Variants in PEX19 observed in about 807,000 individuals in gnomAD.
PEX19 encodes 33 kDa housekeeping protein.
PEX19 carries 29 observed loss-of-function variants against 36.3 expected under a neutral mutation model. That is an observed-to-expected ratio of 0.80 (90% CI 0.60 to 1.09). The LOEUF (loss-of-function observed/expected upper bound fraction) is 1.09. Among genes scored for constraint, PEX19 ranks in the 50% least tolerant of loss-of-function variants. The pLI is 0.00. For missense variants in PEX19, 396 were observed against 368.1 expected, an observed-to-expected ratio of 1.08 and a Z score of -0.62; for synonymous variants, 141 against 135.2, an observed-to-expected ratio of 1.04 and a Z score of -0.30.
At chr1:160,282,246 G>C in intron 4 of PEX19, 46 bp from the exon 5 acceptor site, 2 of 1,593,628 alleles carry the variant, frequency 1.3e-6, no homozygotes, top group Non-Finnish European at 1.7e-6. Context: ...ACCTTCTTGG[G>C]ATGCTCACCA....
Position 160,280,106 on chromosome 1 carries a change from C to T in PEX19, c.735G>A (p.Lys245=), listed in dbSNP as rs749331745. 9.3e-6 allele frequency: 15 copies of T among 1,613,826 alleles called. No individual in the cohort carries two copies. The Admixed American group carries it at 2.5e-4, about 27-fold the overall frequency. The change falls in exon 6 of 8, where the codon AAG becomes AAA. Residue 245 remains lysine (K), a synonymous_variant. Coordinates refer to ENST00000368072, the MANE Select transcript of PEX19 (RefSeq NM_002857.4). ...ETPTDSETTQ[K]ARFEMVLDLM... is the part of the protein sequence containing the mutation. ...GATCCAGCACCATCTCAAAACGAGC[C>T]TTTTGAGTGGTTTCACTGTCTGTGG...
At position 160,283,041 on chromosome 1, in the gene PEX19, G is replaced by A. The variant is rs1359237654; in HGVS notation, c.249C>T (p.Ala83=). 6 of 1,614,052 alleles carry A rather than the reference G, an allele frequency of 3.7e-6. No individual in the cohort carries two copies. Among genetic ancestry groups the A allele is most frequent in the Non-Finnish European group, 5.1e-6 (6 of 1,180,032 alleles). ...ELFDSELASQ[A]TAEFEKAMKE... ...TCATTGCCTTCTCGAACTCCGCAGT[G>A]GCTTGGGAAGCCAGTTCACTGTCGA... is the stretch of plus-strand genomic sequence containing the variant. Residue 83 remains alanine, a synonymous_variant, in exon 3 of 8, where the codon GCC becomes GCT. Transcript: ENST00000368072.
intron 7 of PEX19, 57 bp from the exon 8 acceptor site, chr1:160,279,691 G>T: frequency 6.5e-7 from 1 of 1,545,240 alleles, no homozygotes; most frequent in Non-Finnish European, 8.9e-7. Flanking sequence ...CAGACGTGAA[G>T]ATCCATCCCC....
chr1:160,276,994 AAAGG>A lies in PEX19; in HGVS notation c.*2553_*2556del, dbSNP rs1657562141. On this transcript the variant is annotated 3_prime_UTR_variant, in exon 8 of 8. Transcript: ENST00000368072. Reference sequence around the variant, plus strand: ...GTAACGATTATTTTTGAGCAGCAGAAAAGGAAGGCTAGAGAAATGCTAGAGATGT... The same window carrying A: ...GTAACGATTATTTTTGAGCAGCAGAAAAGGCTAGAGAAATGCTAGAGATGT... 1 of 454,124 alleles carries A rather than the reference AAAGG, an allele frequency of 2.2e-6. No individual in the cohort carries two copies. The allele number at this position is 454,124 out of a possible 1,614,324, so 28.1% of individuals were successfully genotyped here.
In PEX19 at chr1:160,278,247, T is replaced by TA; in HGVS notation, c.*1303dup. 1.4e-6 allele frequency: 1 copy of TA among 700,552 alleles called. No homozygotes were observed. The highest frequency in any genetic ancestry group is 2.0e-5 in the Admixed American group (1 of 49,976). 43.4% of individuals were successfully genotyped at this position (700,552 alleles called of 1,614,324 possible). ...AATATATTACTAACATTAATAACAA[T>TA]AATGTAAAAGGTTAAAATATAATAC... On this transcript the variant is annotated 3_prime_UTR_variant, in exon 8 of 8. Coordinates refer to ENST00000368072, the MANE Select transcript of PEX19 (RefSeq NM_002857.4).
chr1:160,284,369 T>C (rs536362738), intron 1 of PEX19: 1 of 363,500 alleles, frequency 2.8e-6, no homozygotes, highest in South Asian at 2.1e-5. Context: ...ACCACCATTC[T>C]GTTCGCCAGG....
At position 160,282,924 on chromosome 1, in the gene PEX19, T is replaced by A. The variant is rs1484350332; in HGVS notation, c.346+20A>T. On this transcript the variant is annotated intron_variant, in intron 3 of 7. Transcript: ENST00000368072. ...TTAAGAGTCTGTTCAGATATTTCCA[T>A]GTATCTGGGGTCTCCTCACCCACTC... 1.2e-6 allele frequency: 2 copies of A among 1,611,666 alleles called. No homozygotes were observed. Among genetic ancestry groups the A allele is most frequent in the African/African-American group, 2.7e-5 (2 of 74,848 alleles).
In PEX19 at chr1:160,279,461, C is replaced by T. The variant is rs757140919; in HGVS notation, c.*90G>A. ...GAGGGCAGCGGGCAGACTTCTCCCG[C>T]AGGTGACACTCCTGCCTCAGGTCCC... On this transcript the variant is annotated 3_prime_UTR_variant, in exon 8 of 8. Coordinates refer to ENST00000368072, the MANE Select transcript of PEX19 (RefSeq NM_002857.4). The T allele has an allele frequency of 1.9e-6, 2 of 1,042,252 alleles. No homozygotes were observed. Among genetic ancestry groups the T allele is most frequent in the South Asian group, 1.3e-5 (1 of 79,192 alleles). The allele number at this position is 1,042,252 out of a possible 1,614,324, so 64.6% of individuals were successfully genotyped here. A position where few individuals can be genotyped will look rare whatever the true frequency, so the allele number is the denominator to read the frequency against.
At chr1:160,279,771 T>C in intron 7 of PEX19, 30 bp downstream of exon 7, 1 of 1,606,538 alleles carries the variant, frequency 6.2e-7, no homozygotes, top group Non-Finnish European at 8.5e-7. Context: ...GGGACTCAAA[T>C]TAAAATCTGG....
Position 160,282,606 on chromosome 1 carries a change from T to A in PEX19, c.347-104A>T, listed in dbSNP as rs374022441. On this transcript the variant is annotated intron_variant, in intron 3 of 7. Coordinates refer to ENST00000368072, the MANE Select transcript of PEX19 (RefSeq NM_002857.4). ...TGAAGCATTTACTAGTGAATCATTA[T>A]CACTCCCAATCTTGGAAAACCCTAT... The A allele has an allele frequency of 1.8e-4, 157 of 860,582 alleles. 3 individuals are homozygous for A. In the South Asian group the frequency reaches 2.1e-3, roughly 11 times the overall value. The allele number at this position is 860,582 out of a possible 1,614,324, so 53.3% of individuals were successfully genotyped here. A position where few individuals can be genotyped will look rare whatever the true frequency, so the allele number is the denominator to read the frequency against.
intron 7 of PEX19, 41 bp downstream of exon 7, chr1:160,279,760 G>T: frequency 6.3e-7 from 1 of 1,585,820 alleles, no homozygotes; most frequent in Non-Finnish European, 8.7e-7. Context: ...TCTGGAAATT[G>T]GGGACTCAAA....
Position 160,283,752 on chromosome 1 carries a change from C to G in PEX19, c.71-113G>C. 7.3e-6 allele frequency: 6 copies of G among 826,386 alleles called. No homozygotes were observed. In the South Asian group the frequency reaches 8.6e-5, roughly 12 times the overall value. The allele number at this position is 826,386 out of a possible 1,614,324, so 51.2% of individuals were successfully genotyped here. A position where few individuals can be genotyped will look rare whatever the true frequency, so the allele number is the denominator to read the frequency against. ...TATGATTTTTCAAATTGCCAACTTT[C>G]CTCAATTTTCCTCCTTGAGTCCCCC... On this transcript the variant is annotated intron_variant, in intron 1 of 7. Transcript: ENST00000368072.
rs777854895 is a variant in PEX19, at chr1:160,285,045, G to GGAGC, written c.70+9_70+10insGCTC. 98 of 1,603,666 alleles carry GGAGC rather than the reference G, an allele frequency of 6.1e-5. No individual in the cohort carries two copies. The South Asian group carries it at 9.9e-4, about 16-fold the overall frequency. On this transcript the variant is annotated intron_variant, in intron 1 of 7. Coordinates refer to ENST00000368072, the MANE Select transcript of PEX19 (RefSeq NM_002857.4). ...GCCCTCTTCGGGCCTTTCCCACTAT[G>GGAGC]GGCTCTTACTTTCCAGAAGCTCCTC...
At chr1:160,282,892 C>T in intron 3 of PEX19, 52 bp downstream of exon 3, 1 of 1,588,054 alleles carries the variant, frequency 6.3e-7, no homozygotes, top group Non-Finnish European at 8.6e-7. Flanking sequence ...TTTCAGGCAA[C>T]AAAGACTTAA....
chr1:160,280,066 T>A lies in PEX19; in HGVS notation c.771+4A>T. ...ACCAGTGGGCAGAAGGCAAGAGGCC[T>A]TACCTGCTGCATAAGATCCAGCACC... is the stretch of plus-strand genomic sequence containing the variant. On this transcript the variant is annotated splice_donor_region_variant and intron_variant, in intron 6 of 7. Transcript: ENST00000368072. The A allele has an allele frequency of 6.2e-7, 1 of 1,613,092 alleles. No individual in the cohort carries two copies. The highest frequency in any genetic ancestry group is 2.2e-5 in the East Asian group (1 of 44,880).
chr1:160,276,949 A>G lies in PEX19; in HGVS notation c.*2602T>C, dbSNP rs1334447227. On this transcript the variant is annotated 3_prime_UTR_variant, in exon 8 of 8. Transcript: ENST00000368072. ...TGAGAGTCGCATAAATATTTCATATACAGCTTAAACCTAAGCTTTGTAACG... is the reference window on the plus strand; with the variant it reads ...TGAGAGTCGCATAAATATTTCATATGCAGCTTAAACCTAAGCTTTGTAACG... 1 of 454,066 alleles carries G rather than the reference A, an allele frequency of 2.2e-6. No homozygotes were observed. The highest frequency in any genetic ancestry group is 6.9e-4 in the Middle Eastern group (1 of 1,444). 28.1% of individuals were successfully genotyped at this position (454,066 alleles called of 1,614,324 possible).
intron 2 of PEX19, 87 bp downstream of exon 2, chr1:160,283,443 C>A (rs1657868409): frequency 2.2e-6 from 2 of 920,696 alleles, no homozygotes; most frequent in East Asian, 2.5e-5. Flanking sequence ...TCCCACATTC[C>A]CCTCTGGCCC....
chr1:160,283,719 A>T (rs1287720471), intron 1 of PEX19, 80 bp from the exon 2 acceptor site: 32 of 1,127,284 alleles, frequency 2.8e-5, no homozygotes, highest in Non-Finnish European at 4.0e-5. Context: ...TGGGCAAAGC[A>T]TTAGGAATAT....
intron 7 of PEX19, 41 bp downstream of exon 7, chr1:160,279,760 G>A: frequency 1.3e-6 from 2 of 1,585,824 alleles, no homozygotes; most frequent in Non-Finnish European, 1.7e-6. Flanking sequence ...TCTGGAAATT[G>A]GGGACTCAAA....
Sources: gnomAD v4.1 joint callset for allele counts on GRCh38, gnomAD v4.1.1 for gene constraint, MANE v1.5 for transcripts, NCBI Gene and HGNC (gene_info 2026-07-23, HGNC 2026-07-21) for gene names.